Variants in ATXN7L1 observed in about 807,000 individuals in gnomAD.
ATXN7L1 encodes the protein ataxin 7 like 1.
In ATXN7L1, 15 loss-of-function variants were observed where a neutral mutation model predicts 70.8. That is an observed-to-expected ratio of 0.21 (90% CI 0.14 to 0.33). ATXN7L1 has a LOEUF of 0.33. Ranked by LOEUF, ATXN7L1 falls within the 10% of genes least tolerant of loss-of-function variation. ATXN7L1 has a pLI of 1.00. For synonymous variants in ATXN7L1, 440 were observed against 445.1 expected, an observed-to-expected ratio of 0.99 and a Z score of 0.14; for missense variants, 975 against 1,097.1, an observed-to-expected ratio of 0.89 and a Z score of 1.57.
intron 7 of ATXN7L1, among the ~76,000 whole-genome samples, chr7:105,628,691 G>T (rs1237205712): frequency 5.3e-5 from 8 of 151,902 alleles, no homozygotes; most frequent in Admixed American, 5.3e-4. Flanking sequence ...TACTCGGGAG[G>T]CTGAGGCAGG....
At chr7:105,875,949 G>A (rs1050731626) in intron 1 of ATXN7L1, 69 bp from the exon 2 acceptor site, 1 of 1,340,762 alleles carries the variant, frequency 7.5e-7, no homozygotes, top group Non-Finnish European at 1.1e-6. Flanking sequence ...AAAGTCAAGG[G>A]GGGAGGGAGA....
intron 2 of ATXN7L1, among the ~76,000 whole-genome samples, chr7:105,810,146 C>T (rs973659326): frequency 2.6e-5 from 4 of 152,142 alleles, no homozygotes; most frequent in South Asian, 2.1e-4. Context: ...CAAGTAGGCT[C>T]ACAGAGATAC....
At chr7:105,767,264 T>C (rs1186576471) in intron 3 of ATXN7L1, among the ~76,000 whole-genome samples, 1 of 152,066 alleles carries the variant, frequency 6.6e-6, no homozygotes, top group Non-Finnish European at 1.5e-5. Flanking sequence ...CCAGCTTTCC[T>C]GGGGGTAGAA....
intron 2 of ATXN7L1, among the ~76,000 whole-genome samples, chr7:105,811,539 A>T (rs1437410746): frequency 2.0e-5 from 3 of 152,216 alleles, no homozygotes; most frequent in African/African-American, 7.2e-5. Flanking sequence ...AATGCTGGAG[A>T]TGTCAAGCAG....
At chr7:105,875,388 G>A (rs1818955718) in intron 2 of ATXN7L1, among the ~76,000 whole-genome samples, 1 of 152,056 alleles carries the variant, frequency 6.6e-6, no homozygotes, top group Non-Finnish European at 1.5e-5. Flanking sequence ...GTGGTGAGTG[G>A]AGAAGTAGCT....
intron 2 of ATXN7L1, among the ~76,000 whole-genome samples, chr7:105,795,103 C>T (rs929405): frequency 0.074 from 11,321 of 152,268 alleles, 567 homozygotes; most frequent in East Asian, 0.26. Flanking sequence ...ATCTGCTTCT[C>T]ACACCCCCAG....
intron 3 of ATXN7L1, among the ~76,000 whole-genome samples, chr7:105,743,925 C>G (rs536044170): frequency 2.6e-5 from 4 of 152,248 alleles, no homozygotes; most frequent in African/African-American, 9.6e-5. Context: ...ATGGAGCTGG[C>G]GTCTTTATTT....
chr7:105,642,704 T>TAAAA, intron 5 of ATXN7L1, 134 bp downstream of exon 5: 1 of 1,136,174 alleles, frequency 8.8e-7, no homozygotes, highest in Non-Finnish European at 1.2e-6. Flanking sequence ...GGGTTCCTGT[T>TAAAA]TGCAGGTAAA....
chr7:105,824,901 G>A (rs865828828), intron 2 of ATXN7L1, among the ~76,000 whole-genome samples: 93 of 143,468 alleles, frequency 6.5e-4, no homozygotes, highest in Non-Finnish European at 2.7e-4. Flanking sequence ...CAGCCTGGGC[G>A]ACAGAGTGAG....
intron 3 of ATXN7L1, among the ~76,000 whole-genome samples, chr7:105,715,578 A>G (rs1056278360): frequency 1.3e-5 from 2 of 152,272 alleles, no homozygotes; most frequent in Non-Finnish European, 2.9e-5. Flanking sequence ...AACAATGCCT[A>G]AAGGCATTTC....
intron 3 of ATXN7L1, among the ~76,000 whole-genome samples, chr7:105,743,980 A>G (rs1446339860): frequency 6.6e-6 from 1 of 152,198 alleles, no homozygotes; most frequent in African/African-American, 2.4e-5. Flanking sequence ...ATTGCGGAGA[A>G]AACCCTTTAA....
intron 3 of ATXN7L1, among the ~76,000 whole-genome samples, chr7:105,704,293 TA>T (rs775891375): frequency 7.2e-5 from 11 of 152,236 alleles, no homozygotes; most frequent in Non-Finnish European, 1.3e-4. Flanking sequence ...AGGAAATGTG[TA>T]ATTTACATTT....
At chr7:105,642,303 C>A (rs1798387555) in intron 5 of ATXN7L1, among the ~76,000 whole-genome samples, 1 of 152,180 alleles carries the variant, frequency 6.6e-6, no homozygotes, top group Non-Finnish European at 1.5e-5. Flanking sequence ...GAATTCCAAC[C>A]TGATTATGGG....
chr7:105,825,557 G>A (rs1252220401), intron 2 of ATXN7L1, among the ~76,000 whole-genome samples: 2 of 142,344 alleles, frequency 1.4e-5, no homozygotes, highest in Non-Finnish European at 1.6e-5. Flanking sequence ...ACCTACATAC[G>A]AGAGGAAGTG....
intron 2 of ATXN7L1, among the ~76,000 whole-genome samples, chr7:105,860,240 A>G (rs941443309): frequency 6.7e-6 from 1 of 149,852 alleles, no homozygotes; most frequent in Non-Finnish European, 1.5e-5. Context: ...CAACCTTTTT[A>G]TACATGTGAA....
intron 3 of ATXN7L1, among the ~76,000 whole-genome samples, chr7:105,692,403 T>TTCCTTCCTTCCTTCCC (rs1447188263): frequency 1.2e-4 from 8 of 68,116 alleles, no homozygotes; most frequent in African/African-American, 4.7e-4. Context: ...CCTTCCTTCC[T>TTCCTTCCTTCCTTCCC]TCCTTCCTTC....
At chr7:105,621,611 T>A (rs1395793349) in intron 8 of ATXN7L1, among the ~76,000 whole-genome samples, 1 of 152,212 alleles carries the variant, frequency 6.6e-6, no homozygotes, top group Non-Finnish European at 1.5e-5. Context: ...TTGATTATGA[T>A]GTTAGGGCAA....
At chr7:105,773,255 A>G (rs1214548741) in intron 3 of ATXN7L1, among the ~76,000 whole-genome samples, 1 of 152,214 alleles carries the variant, frequency 6.6e-6, no homozygotes, top group African/African-American at 2.4e-5. Flanking sequence ...ACTCTAAGCC[A>G]AAGGGAAAGT....
chr7:105,740,385 A>G (rs952284210), intron 3 of ATXN7L1, among the ~76,000 whole-genome samples: 3 of 152,174 alleles, frequency 2.0e-5, no homozygotes, highest in Non-Finnish European at 4.4e-5. Context: ...CACAGAGGCA[A>G]TGTGCACTCT....
Sources: gnomAD v4.1 joint callset for allele counts (sites outside exome capture counted in the v4.1 genomes callset) on GRCh38, gnomAD v4.1.1 for gene constraint, MANE v1.5 for transcripts, NCBI Gene and HGNC (gene_info 2026-07-23, HGNC 2026-07-21) for gene names.